Variants in TTC39C observed in about 807,000 individuals in gnomAD.
TTC39C encodes tetratricopeptide repeat protein 39C.
A neutral mutation model predicts 76.3 loss-of-function variants in TTC39C; 33 were observed. That is an observed-to-expected ratio of 0.43 (90% CI 0.33 to 0.58). The LOEUF is 0.58. Among genes scored for constraint, TTC39C ranks in the 20% least tolerant of loss-of-function variants. The pLI, the probability that TTC39C is intolerant of heterozygous loss-of-function variation, is 0.04. For missense variants in TTC39C, 595 were observed against 701.4 expected, an observed-to-expected ratio of 0.85 and a Z score of 1.71; for synonymous variants, 254 against 260.6, an observed-to-expected ratio of 0.97 and a Z score of 0.24.
At position 24,048,187 on chromosome 18, in the gene TTC39C, A is replaced by G. The variant is rs1229070101; in HGVS notation, c.168-15953A>G. ...GCCTCTACTAGAATGGAAATTTAAA[A>G]ATAGCATTTATAGTTTAATAATTTG... On this transcript the variant is annotated intron_variant, in intron 1 of 13. Coordinates refer to ENST00000317571, the MANE Select transcript of TTC39C (RefSeq NM_001135993.2). Among the ~76,000 whole-genome samples the G allele has an allele frequency of 3.3e-5, 5 of 152,222 alleles. No homozygotes were observed. The East Asian group carries it at 9.6e-4, about 29-fold the overall frequency.
intron 6 of TTC39C, among the ~76,000 whole-genome samples, chr18:24,097,737 T>A (rs1440950364): frequency 6.6e-6 from 1 of 152,252 alleles, no homozygotes; most frequent in African/African-American, 2.4e-5. Context: ...GAATTATTCC[T>A]ATAAACTTTT....
intron 4 of TTC39C, among the ~76,000 whole-genome samples, chr18:24,073,773 T>C (rs1599299047): frequency 6.6e-6 from 1 of 152,208 alleles, no homozygotes; most frequent in African/African-American, 2.4e-5. Flanking sequence ...TTCCGCCTTG[T>C]CCTCCCAAAG....
At chr18:24,098,696 G>A (rs926196517) in intron 6 of TTC39C, among the ~76,000 whole-genome samples, 8 of 150,914 alleles carry the variant, frequency 5.3e-5, no homozygotes, top group African/African-American at 9.8e-5. Flanking sequence ...GCAGTGGTGC[G>A]TTCTTGGTTC....
rs562600449 is a variant in TTC39C, at chr18:24,028,067, T to TA, written c.167+13029_167+13030insA. Among the ~76,000 whole-genome samples, 634 of 152,298 alleles carry TA rather than the reference T, an allele frequency of 4.2e-3. 2 individuals carry two copies. The highest frequency in any genetic ancestry group is 6.8e-3 in the Non-Finnish European group (464 of 68,030). ...TTTTGATTATTTCTGTATTGATGAT[T>TA]GGTGAGACACTCATTACTTTGAGTT... On this transcript the variant is annotated intron_variant, in intron 1 of 13. Transcript: ENST00000317571.
At chr18:24,131,822 C>A in intron 12 of TTC39C, 60 bp from the exon 13 acceptor site, 3 of 1,458,442 alleles carry the variant, frequency 2.1e-6, no homozygotes, top group South Asian at 2.4e-5. Context: ...CCTATTATAC[C>A]ATTTTCTGCC....
chr18:24,040,754 A>AATCC (rs1373197080), intron 1 of TTC39C, among the ~76,000 whole-genome samples: 1 of 152,214 alleles, frequency 6.6e-6, no homozygotes, highest in Non-Finnish European at 1.5e-5. Flanking sequence ...GACATTAGTT[A>AATCC]ATCCAGAGAT....
rs1313370482 is a variant in TTC39C at position 24,014,983 on chromosome 18, A to C, written c.112A>C (p.Asn38His). 20 of 1,528,682 alleles carry C rather than the reference A, an allele frequency of 1.3e-5. No individual in the cohort carries two copies. The highest frequency in any genetic ancestry group is 1.8e-5 in the Non-Finnish European group (20 of 1,137,788). The allele number at this position is 1,528,682 out of a possible 1,614,324, so 94.7% of individuals were successfully genotyped here. ...QDAELALAGI[N>H]MLLNNGFRES... The stretch of plus-strand genomic sequence containing the variant: ...CGCGGAGCTGGCCCTGGCCGGCATC[A>C]ACATGCTGCTCAACAACGGCTTCAG... Residue 38 changes from asparagine to histidine, a missense_variant, in exon 1 of 14, where the codon AAC (asparagine) becomes CAC (histidine). Asn to His is a moderately conservative substitution (Grantham distance 68). Coordinates refer to ENST00000317571, the MANE Select transcript of TTC39C (RefSeq NM_001135993.2).
intron 2 of TTC39C, among the ~76,000 whole-genome samples, chr18:24,064,857 A>G (rs2084146118): frequency 6.6e-6 from 1 of 152,224 alleles, no homozygotes; most frequent in African/African-American, 2.4e-5. Context: ...ACAGCCTGGC[A>G]GTGCTCAACC....
At chr18:24,112,066 T>C (rs994228979) in intron 6 of TTC39C, among the ~76,000 whole-genome samples, 2 of 152,240 alleles carry the variant, frequency 1.3e-5, no homozygotes, top group African/African-American at 4.8e-5. Context: ...TTGAGCTCCA[T>C]AACCTGGTCT....
intron 1 of TTC39C, among the ~76,000 whole-genome samples, chr18:24,004,388 G>A (rs886747671): frequency 2.6e-5 from 4 of 152,140 alleles, no homozygotes; most frequent in African/African-American, 7.2e-5. Context: ...AGAGAGTGAG[G>A]AGAAGTGAAA....
chr18:24,089,994 T>C (rs930864485), intron 6 of TTC39C, among the ~76,000 whole-genome samples: 1 of 152,226 alleles, frequency 6.6e-6, no homozygotes, highest in African/African-American at 2.4e-5. Context: ...AAAATTATTT[T>C]GTAATCTTTA....
chr18:24,031,238 G>C (rs374750593), intron 1 of TTC39C, among the ~76,000 whole-genome samples: 13 of 149,744 alleles, frequency 8.7e-5, no homozygotes, highest in African/African-American at 3.2e-4. Context: ...GATTACAGGC[G>C]TGAGCCACTG....
At chr18:24,097,375 A>T (rs770187127) in intron 6 of TTC39C, among the ~76,000 whole-genome samples, 21 of 152,216 alleles carry the variant, frequency 1.4e-4, no homozygotes, top group Non-Finnish European at 2.1e-4. Context: ...GTAAATCCAC[A>T]TTTCATCTCC....
rs181746634 is a variant in TTC39C, at chr18:24,115,585, G to A, written c.1078+938G>A. Among the ~76,000 whole-genome samples, 144 of 152,344 alleles carry A rather than the reference G, an allele frequency of 9.5e-4. 1 individual carries two copies. Among genetic ancestry groups the A allele is most frequent in the African/African-American group, 2.6e-3 (107 of 41,578 alleles). ...AGACTTAAAAAGCTTTCTGCAGAGG[G>A]ACAGGGAAGTGGAGACAGAATGCTC... On this transcript the variant is annotated intron_variant, in intron 7 of 13. Coordinates refer to ENST00000317571, the MANE Select transcript of TTC39C (RefSeq NM_001135993.2).
chr18:24,015,267 G>A, intron 1 of TTC39C: 1 of 408,504 alleles, frequency 2.4e-6, no homozygotes, highest in Non-Finnish European at 4.3e-6. Flanking sequence ...GGGACCCGCC[G>A]CGCGCCCGCC....
rs2084862642 is a variant in TTC39C at position 24,114,319 on chromosome 18, G to GGGT, written c.985-234_985-233insGTG. The GGGT allele has an allele frequency of 9.1e-5, 24 of 264,954 alleles. 1 individual carries two copies. In the Admixed American group the frequency reaches 1.8e-3, roughly 20 times the overall value. The allele number at this position is 264,954 out of a possible 1,614,324, so 16.4% of individuals were successfully genotyped here. A position where few individuals can be genotyped will look rare whatever the true frequency, so the allele number is the denominator to read the frequency against. ...AGGAGAGAACGCTGGAGGAGAAGGC[G>GGGT]GCGCGAGCTGAGCCCTTACCACCTG... On this transcript the variant is annotated intron_variant, in intron 6 of 13. Coordinates refer to ENST00000317571, the MANE Select transcript of TTC39C (RefSeq NM_001135993.2).
intron 1 of TTC39C, among the ~76,000 whole-genome samples, chr18:24,024,014 A>AT (rs1359475527): frequency 8.0e-4 from 5 of 6,226 alleles, no homozygotes; most frequent in African/African-American, 2.5e-3. Flanking sequence ...ATATATATAT[A>AT]TATTTTTTTT....
chr18:24,045,682 A>C (rs2083859999), intron 1 of TTC39C, among the ~76,000 whole-genome samples: 1 of 151,866 alleles, frequency 6.6e-6, no homozygotes, highest in African/African-American at 2.4e-5. Context: ...TAAATAGATG[A>C]AATTTAATTA....
chr18:24,113,725 C>G, intron 6 of TTC39C: 1 of 701,458 alleles, frequency 1.4e-6, no homozygotes, highest in Non-Finnish European at 2.6e-6. Context: ...GAATCCTGAT[C>G]ATGCTTTTGA....
Sources: allele counts gnomAD v4.1 joint callset (sites outside exome capture counted in the v4.1 genomes callset), GRCh38; gene constraint gnomAD v4.1.1; transcripts MANE v1.5; gene names NCBI Gene and HGNC (gene_info 2026-07-23, HGNC 2026-07-21).